Variants in TENM3 observed in about 807,000 individuals in gnomAD.
TENM3 encodes teneurin-3.
TENM3 carries 63 observed loss-of-function variants against 255.1 expected under a neutral mutation model. The observed-to-expected ratio is 0.25, with a 90% CI of 0.20 to 0.30. The LOEUF is 0.30. Ranked by LOEUF, TENM3 falls within the 10% of genes least tolerant of loss-of-function variation. TENM3 has a pLI of 1.00. For missense variants in TENM3, 2,929 were observed against 3,461.1 expected, an observed-to-expected ratio of 0.85 and a Z score of 3.86; for synonymous variants, 1,306 against 1,322.3, an observed-to-expected ratio of 0.99 and a Z score of 0.27.
the TENM3 span, among the ~76,000 whole-genome samples, chr4:181,493,905 C>T: frequency 1.3e-5 from 2 of 152,070 alleles, no homozygotes; most frequent in Non-Finnish European, 2.9e-5. Context: ...ACCATAACAA[C>T]AATAAGAACA....
the TENM3 span, among the ~76,000 whole-genome samples, chr4:181,773,448 C>A: frequency 1.3e-5 from 2 of 152,296 alleles, no homozygotes; most frequent in Admixed American, 6.5e-5. Flanking sequence ...ATTTATGAAA[C>A]TGAGAGTTGA....
the TENM3 span, among the ~76,000 whole-genome samples, chr4:181,815,523 C>G: frequency 3.5e-5 from 5 of 144,618 alleles, 1 homozygote; most frequent in South Asian, 7.0e-4. Flanking sequence ...TGAAAATGGT[C>G]TAATAGGTCC....
chr4:182,730,585 C>A (rs1262119219), intron 15 of TENM3, among the ~76,000 whole-genome samples: 1 of 152,098 alleles, frequency 6.6e-6, no homozygotes, highest in African/African-American at 2.4e-5. Context: ...ATGTTGAAAT[C>A]TTTAGGGGTA....
At chr4:182,263,327 C>A (rs1758992365) in intron 1 of TENM3, among the ~76,000 whole-genome samples, 1 of 152,138 alleles carries the variant, frequency 6.6e-6, no homozygotes, top group South Asian at 2.1e-4. Context: ...GGGGAGCTCC[C>A]CATGTCCCTT....
intron 3 of TENM3, among the ~76,000 whole-genome samples, chr4:182,485,822 T>C (rs1734643516): frequency 6.6e-6 from 1 of 152,174 alleles, no homozygotes; most frequent in African/African-American, 2.4e-5. Context: ...TATAGTCGAT[T>C]CAGAAATGCA....
chr4:182,648,496 G>C (rs923234181), intron 5 of TENM3, among the ~76,000 whole-genome samples: 4 of 152,056 alleles, frequency 2.6e-5, no homozygotes, highest in Non-Finnish European at 5.9e-5. Context: ...GGTCAGGCTG[G>C]TCTCAAACTC....
chr4:182,228,374 G>GTGTGTGTGTA lies in TENM3; in HGVS notation c.-76+83629_-76+83630insATGTGTGTGT, dbSNP rs1406129353. On this transcript the variant is annotated intron_variant, in intron 1 of 2. Coordinates refer to the TENM3 transcript ENST00000512480. The stretch of plus-strand genomic sequence containing the variant: ...TGTAATGTAATGTGTGTGTGTGTGT[G>GTGTGTGTGTA]TGTGTGTGTGTGTGTGTGTATATGT... Among the ~76,000 whole-genome samples, 19 of 86,482 alleles carry GTGTGTGTGTA rather than the reference G, an allele frequency of 2.2e-4. 1 individual carries two copies. The highest frequency in any genetic ancestry group is 7.2e-4 in the African/African-American group (15 of 20,776). 56.7% of individuals were successfully genotyped at this position (86,482 alleles called of 152,430 possible). A position where few individuals can be genotyped will look rare whatever the true frequency, so the allele number is the denominator to read the frequency against.
the TENM3 span, among the ~76,000 whole-genome samples, chr4:181,535,541 C>G: frequency 6.6e-6 from 1 of 152,182 alleles, no homozygotes; most frequent in African/African-American, 2.4e-5. Flanking sequence ...CACATCACCT[C>G]TCTGCTCAAA....
chr4:181,793,389 T>G, the TENM3 span, among the ~76,000 whole-genome samples: 3 of 152,232 alleles, frequency 2.0e-5, no homozygotes, highest in African/African-American at 4.8e-5. Context: ...TGCTGAGGCT[T>G]GTTAAGCGAC....
chr4:182,174,459 CT>C (rs1752320820), intron 1 of TENM3, among the ~76,000 whole-genome samples: 2 of 124,218 alleles, frequency 1.6e-5, no homozygotes, highest in Non-Finnish European at 1.7e-5. Context: ...TTTTTTTTCT[CT>C]TCTTCTGATT....
At chr4:182,177,289 G>A (rs1752556400) in intron 1 of TENM3, among the ~76,000 whole-genome samples, 3 of 151,730 alleles carry the variant, frequency 2.0e-5, no homozygotes, top group South Asian at 4.2e-4. Context: ...CCACAATTGC[G>A]CCAGATGAAG....
At chr4:182,329,110 A>G (rs965241231) in intron 2 of TENM3, among the ~76,000 whole-genome samples, 2 of 152,138 alleles carry the variant, frequency 1.3e-5, no homozygotes, top group African/African-American at 4.8e-5. Context: ...TCATCCACTC[A>G]TCTCCCAGCA....
intron 1 of TENM3, among the ~76,000 whole-genome samples, chr4:182,207,225 G>C (rs140326713): frequency 6.6e-6 from 1 of 152,148 alleles, no homozygotes. Flanking sequence ...CTGAATCTTT[G>C]ACCCGGCAAC....
chr4:181,725,334 T>A, the TENM3 span, among the ~76,000 whole-genome samples: 134 of 152,278 alleles, frequency 8.8e-4, no homozygotes, highest in Middle Eastern at 3.4e-3. Flanking sequence ...TGCAACGTGG[T>A]TTATGTCTTT....
At chr4:182,743,825 G>T (rs1761786138) in intron 19 of TENM3, among the ~76,000 whole-genome samples, 1 of 152,096 alleles carries the variant, frequency 6.6e-6, no homozygotes, top group Non-Finnish European at 1.5e-5. Flanking sequence ...AATGGACTAA[G>T]GCTACAACTT....
the TENM3 span, among the ~76,000 whole-genome samples, chr4:181,785,234 T>C: frequency 6.6e-6 from 1 of 152,100 alleles, no homozygotes; most frequent in Non-Finnish European, 1.5e-5. Flanking sequence ...GATGATAACA[T>C]ACAGATTTGT....
chr4:182,701,267 C>T (rs1312685892), intron 12 of TENM3, among the ~76,000 whole-genome samples: 2 of 112,158 alleles, frequency 1.8e-5, no homozygotes, highest in South Asian at 3.1e-4. Context: ...GTTGCCCAGG[C>T]TGGAGAGCAG....
At chr4:181,486,001 A>G in the TENM3 span, among the ~76,000 whole-genome samples, 1 of 145,014 alleles carries the variant, frequency 6.9e-6, no homozygotes, top group East Asian at 2.0e-4. Flanking sequence ...TTAAGATGCC[A>G]TTCAAAAACT....
rs148916342 is a variant in TENM3, at chr4:182,516,535, T to G, written c.512-84389T>G. 1.8e-3 allele frequency among the ~76,000 whole-genome samples: 268 copies of G among 152,342 alleles called. 1 individual carries two copies. The highest frequency in any genetic ancestry group is 6.0e-3 in the African/African-American group (248 of 41,578). On this transcript the variant is annotated intron_variant, in intron 3 of 27. Coordinates refer to ENST00000511685, the MANE Select transcript of TENM3 (RefSeq NM_001080477.4). Reference sequence around the variant, plus strand: ...TCTTTTTCAAAGTTATTACGAATTTTTTTTAGAGTTGGCTGTACTTTCCCA... The same window carrying G: ...TCTTTTTCAAAGTTATTACGAATTTGTTTTAGAGTTGGCTGTACTTTCCCA...
Sources: gnomAD v4.1 joint callset for allele counts (sites outside exome capture counted in the v4.1 genomes callset) on GRCh38, gnomAD v4.1.1 for gene constraint, MANE v1.5 for transcripts, NCBI Gene and HGNC (gene_info 2026-07-23, HGNC 2026-07-21) for gene names.